Variants in SGSM1 observed in about 807,000 individuals in gnomAD.
The protein encoded by SGSM1 is small G protein signaling modulator 1.
Under a neutral mutation model 133.8 loss-of-function variants are expected in SGSM1, and 73 were observed. The observed-to-expected ratio is 0.55, with a 90% CI of 0.45 to 0.66. The LOEUF is 0.66. Ranked by LOEUF, SGSM1 falls within the 30% of genes least tolerant of loss-of-function variation. The pLI is 0.00. For synonymous variants in SGSM1, 563 were observed against 573.0 expected, an observed-to-expected ratio of 0.98 and a Z score of 0.25; for missense variants, 1,213 against 1,448.1, an observed-to-expected ratio of 0.84 and a Z score of 2.64.
intron 13 of SGSM1, among the ~76,000 whole-genome samples, chr22:24,877,384 C>T (rs1932076395): frequency 6.6e-6 from 1 of 152,124 alleles, no homozygotes; most frequent in Non-Finnish European, 1.5e-5. Context: ...CAGTAAATGA[C>T]ACTTAATGTT....
intron 19 of SGSM1, among the ~76,000 whole-genome samples, chr22:24,900,247 G>A (rs1426902094): frequency 1.3e-5 from 2 of 151,622 alleles, no homozygotes; most frequent in African/African-American, 4.9e-5. Context: ...GTCTTGAACT[G>A]GCCTCAAGTG....
chr22:24,922,785 T>C (rs933022523), intron 24 of SGSM1, among the ~76,000 whole-genome samples: 2 of 152,226 alleles, frequency 1.3e-5, no homozygotes, highest in Admixed American at 6.5e-5. Flanking sequence ...CCATGGCACT[T>C]ACTTTCTGTT....
chr22:24,807,832 C>T (rs1255659233), intron 2 of SGSM1, among the ~76,000 whole-genome samples: 1 of 150,880 alleles, frequency 6.6e-6, no homozygotes, highest in African/African-American at 2.5e-5. Context: ...AGGGCAGCCT[C>T]GAGGCTTGGA....
chr22:24,848,863 G>T (rs112090005), intron 4 of SGSM1, among the ~76,000 whole-genome samples: 1 of 152,230 alleles, frequency 6.6e-6, no homozygotes, highest in African/African-American at 2.4e-5. Context: ...GGCCCTGCCT[G>T]CCCAGGGCTG....
chr22:24,862,281 C>T (rs1283251111), intron 9 of SGSM1, among the ~76,000 whole-genome samples: 3 of 152,126 alleles, frequency 2.0e-5, no homozygotes, highest in African/African-American at 4.8e-5. Flanking sequence ...ATCAGGCGAC[C>T]ATCATGGAAG....
chr22:24,859,608 A>G, intron 8 of SGSM1, 108 bp from the exon 9 acceptor site: 1 of 1,490,070 alleles, frequency 6.7e-7, no homozygotes. Flanking sequence ...GAAGGGATTA[A>G]CCCAACCTCT....
Position 24,897,959 on chromosome 22 carries a change from A to C in SGSM1, c.2023-13A>C. On this transcript the variant is annotated splice_polypyrimidine_tract_variant and intron_variant, in intron 18 of 24. Transcript: ENST00000400358. ...CATGCCGGTCCATCTGTTTTTGTGC[A>C]CCTTGTCCTCAGGTGTTTGAGTCTG... is the stretch of plus-strand genomic sequence containing the variant. The C allele has an allele frequency of 6.4e-7, 1 of 1,573,282 alleles. No homozygotes were observed. The highest frequency in any genetic ancestry group is 8.6e-7 in the Non-Finnish European group (1 of 1,158,566).
At chr22:24,849,418 T>C (rs1174817795) in intron 4 of SGSM1, among the ~76,000 whole-genome samples, 4 of 152,182 alleles carry the variant, frequency 2.6e-5, no homozygotes, top group African/African-American at 9.6e-5. Flanking sequence ...CTGGGCGTGG[T>C]GGTGCATGCC....
At position 24,855,395 on chromosome 22, in the gene SGSM1, C is replaced by T. The variant is rs770730066; in HGVS notation, c.634C>T (p.Arg212Trp). The part of the protein sequence containing the change: ...QRHRIHSSHV[R>W]QDSPTKRPAL... ...GCACCGCATCCACAGCTCCCACGTG[C>T]GGCAGGACTCGCCCACCAAGCGTCC... is the stretch of plus-strand genomic sequence containing the variant. The change falls in exon 7 of 25, where the codon CGG (arginine) becomes TGG (tryptophan). Residue 212 changes from arginine to tryptophan, a missense_variant. By Grantham distance (101) the Arg-to-Trp change is moderately radical. Coordinates refer to ENST00000400358, the MANE Select transcript of SGSM1 (RefSeq NM_001098497.3). 20 of 1,613,352 alleles carry T rather than the reference C, an allele frequency of 1.2e-5. No individual in the cohort carries two copies. Among genetic ancestry groups the T allele is most frequent in the Middle Eastern group, 1.6e-4 (1 of 6,084 alleles).
chr22:24,890,328 G>T (rs1164116202), intron 16 of SGSM1, among the ~76,000 whole-genome samples: 1 of 152,134 alleles, frequency 6.6e-6, no homozygotes, highest in Non-Finnish European at 1.5e-5. Context: ...ATCGTAAGTC[G>T]AGAAGCATTT....
intron 5 of SGSM1, among the ~76,000 whole-genome samples, chr22:24,853,767 GA>G (rs1930617391): frequency 8.4e-6 from 1 of 119,322 alleles, no homozygotes. Context: ...CACGCCTGGT[GA>G]ATTTTTTTTT....
At chr22:24,864,205 A>G (rs1250514315) in intron 9 of SGSM1, among the ~76,000 whole-genome samples, 2 of 152,176 alleles carry the variant, frequency 1.3e-5, no homozygotes, top group Non-Finnish European at 2.9e-5. Flanking sequence ...TACTGTGTGG[A>G]GCAGCAGTGG....
chr22:24,831,726 C>T (rs560193861), intron 2 of SGSM1, among the ~76,000 whole-genome samples: 58 of 152,350 alleles, frequency 3.8e-4, no homozygotes, highest in African/African-American at 1.3e-3. Context: ...AGGCCCCCAG[C>T]GGAGACACCT....
intron 10 of SGSM1, 106 bp downstream of exon 10, chr22:24,867,266 AC>A: frequency 9.6e-7 from 1 of 1,044,718 alleles, no homozygotes. Context: ...TATGGTGGAC[AC>A]CCCATGTTAC....
intron 6 of SGSM1, 36 bp downstream of exon 6, chr22:24,855,099 C>G: frequency 4.4e-6 from 7 of 1,599,630 alleles, no homozygotes; most frequent in Non-Finnish European, 6.0e-6. Flanking sequence ...CATCTAGACC[C>G]GTGGTCTTGA....
intron 2 of SGSM1, among the ~76,000 whole-genome samples, chr22:24,831,192 A>G (rs567666600): frequency 5.3e-5 from 8 of 151,968 alleles, no homozygotes; most frequent in African/African-American, 1.7e-4. Context: ...GGTGGAGCGC[A>G]GGTGGGTTAG....
At chr22:24,817,642 C>T (rs1344845094) in intron 2 of SGSM1, among the ~76,000 whole-genome samples, 2 of 152,194 alleles carry the variant, frequency 1.3e-5, no homozygotes, top group Non-Finnish European at 2.9e-5. Flanking sequence ...TGAGCCACCG[C>T]TCCCGGCCAT....
chr22:24,826,876 T>C (rs1940012546), intron 2 of SGSM1, among the ~76,000 whole-genome samples: 1 of 152,062 alleles, frequency 6.6e-6, no homozygotes, highest in Non-Finnish European at 1.5e-5. Context: ...ACAGCAGCCC[T>C]ATGAGGTGAT....
At chr22:24,821,220 A>G (rs1410139154) in intron 2 of SGSM1, among the ~76,000 whole-genome samples, 8 of 152,204 alleles carry the variant, frequency 5.3e-5, no homozygotes, top group African/African-American at 1.9e-4. Context: ...TATTTTTAGT[A>G]GAGATGGGGT....
Sources: gnomAD v4.1 joint callset for allele counts (sites outside exome capture counted in the v4.1 genomes callset) on GRCh38, gnomAD v4.1.1 for gene constraint, MANE v1.5 for transcripts, NCBI Gene and HGNC (gene_info 2026-07-23, HGNC 2026-07-21) for gene names.